The following TTC19 variants were observed in gnomAD, a reference collection of about 807,000 sequenced individuals.
The protein encoded by TTC19 is tetratricopeptide repeat domain 19.
In TTC19, 38 loss-of-function variants were observed where a neutral mutation model predicts 49.5. That is an observed-to-expected ratio of 0.77 (90% confidence interval 0.59 to 1.01). The LOEUF (loss-of-function observed/expected upper bound fraction) is 1.01, where lower values mean the gene tolerates loss of function less well. Among genes scored for constraint, TTC19 ranks in the 50% least tolerant of loss-of-function variants. The probability of loss-of-function intolerance (pLI) is 0.00; values close to 1 mark genes in which losing one functional copy is unlikely to be tolerated. For synonymous variants in TTC19, 204 were observed against 185.2 expected (o/e 1.10, Z -0.83); for missense variants, 475 against 477.7 (o/e 0.99, Z 0.05).
chr17:16,022,301 A>T (rs968299415), intron 7 of TTC19, among the ~76,000 whole-genome samples: 3 of 152,220 alleles, frequency 2.0e-5, no homozygotes, highest in African/African-American at 7.2e-5. Flanking sequence ...GTGCAGGGAA[A>T]GGATGTGTGT....
intron 2 of TTC19, among the ~76,000 whole-genome samples, chr17:16,044,168 C>CAAAAAAAA (rs34691717): frequency 1.8e-4 from 15 of 82,624 alleles, no homozygotes; most frequent in African/African-American, 2.8e-4. Context: ...GACTCCATCT[C>CAAAAAAAA]AAAAAAAAAA....
chr17:16,035,129 A>C (rs1973983410), intron 2 of TTC19, among the ~76,000 whole-genome samples: 1 of 152,212 alleles, frequency 6.6e-6, no homozygotes, highest in African/African-American at 2.4e-5. Flanking sequence ...TTAGTAAGTC[A>C]CAATTATTTT....
At chr17:16,036,048 A>G (rs562658065) in intron 2 of TTC19, among the ~76,000 whole-genome samples, 12 of 152,220 alleles carry the variant, frequency 7.9e-5, no homozygotes, top group Non-Finnish European at 1.6e-4. Flanking sequence ...CTTTGCTCAG[A>G]TCCGTCAGAG....
chr17:16,014,682 G>A (rs60842225), intron 7 of TTC19, among the ~76,000 whole-genome samples: 4,808 of 152,272 alleles, frequency 0.032, 255 homozygotes, highest in African/African-American at 0.11. Flanking sequence ...GATGCTGGCA[G>A]TATCCAAAGG....
intron 9 of TTC19, chr17:16,027,146 T>C (rs1971586146): frequency 1.7e-6 from 1 of 573,254 alleles, no homozygotes; most frequent in Admixed American, 3.0e-5. Context: ...TCATGAAATC[T>C]TGGGCTCATC....
downstream of TTC19, chr17:16,030,968 T>G (rs560614268): frequency 4.4e-4 from 86 of 196,636 alleles, 1 homozygote; most frequent in African/African-American, 1.8e-3. Context: ...ACCAGTGGCA[T>G]TCTCCCAAAA....
chr17:16,037,501 C>T (rs570483864), intron 2 of TTC19, among the ~76,000 whole-genome samples: 3 of 152,198 alleles, frequency 2.0e-5, no homozygotes, highest in Admixed American at 6.5e-5. Context: ...AAACAAGGTT[C>T]GTCCTCCTGC....
rs778856287 is a variant in TTC19, at chr17:16,020,380, CG to C, written c.677-4636del. Among the ~76,000 whole-genome samples, 86 of 152,066 alleles carry C rather than the reference CG, an allele frequency of 5.7e-4. 1 individual carries two copies. Among genetic ancestry groups the C allele is most frequent in the Non-Finnish European group, 5.1e-4 (35 of 68,000 alleles). The stretch of plus-strand genomic sequence containing the variant: ...AGGGGTTGTCTTTTTCTTAACGATT[CG>C]TAAGAGTTCCTTACGTATTCGATCA... On this transcript the variant is annotated intron_variant, in intron 7 of 9. Coordinates refer to ENST00000261647, the MANE Select transcript of TTC19 (RefSeq NM_017775.4).
chr17:16,036,482 T>A (rs1251024881), intron 2 of TTC19, among the ~76,000 whole-genome samples: 2 of 152,324 alleles, frequency 1.3e-5, no homozygotes, highest in East Asian at 3.9e-4. Context: ...GCCTGTCTTT[T>A]GAAGTTTTGG....
In TTC19 at chr17:16,000,037, G is replaced by C. The variant is rs1970667024; in HGVS notation, c.184+5G>C. The C allele has an allele frequency of 2.4e-6, 3 of 1,259,674 alleles. No individual in the cohort carries two copies. The highest frequency in any genetic ancestry group is 3.0e-6 in the Non-Finnish European group (3 of 1,005,288). The allele number at this position is 1,259,674 out of a possible 1,614,324, so 78.0% of individuals were successfully genotyped here. On this transcript the variant is annotated splice_donor_5th_base_variant and intron_variant, in intron 1 of 9. Transcript: ENST00000261647. Reference sequence around the variant, plus strand: ...GCCTGCTGCCGCTGCTGGCAGGTGAGGGGCGCGGGCCGGGCGGGGCCGGCC... The same window carrying C: ...GCCTGCTGCCGCTGCTGGCAGGTGACGGGCGCGGGCCGGGCGGGGCCGGCC...
intron 7 of TTC19, among the ~76,000 whole-genome samples, chr17:16,013,079 C>CTG (rs1391508154): frequency 6.6e-6 from 1 of 152,066 alleles, no homozygotes; most frequent in Non-Finnish European, 1.5e-5. Flanking sequence ...TGGCACATGC[C>CTG]TGTGGTCCCA....
intron 7 of TTC19, among the ~76,000 whole-genome samples, chr17:16,018,055 C>G (rs962533118): frequency 6.6e-6 from 1 of 152,062 alleles, no homozygotes; most frequent in African/African-American, 2.4e-5. Context: ...TCCTTCTTTC[C>G]CTTTTCCTCA....
downstream of TTC19, among the ~76,000 whole-genome samples, chr17:16,034,157 T>C (rs2151830012): frequency 6.6e-6 from 1 of 152,342 alleles, no homozygotes; most frequent in Middle Eastern, 3.4e-3. Flanking sequence ...ACCACCTTAT[T>C]TGCTTTGCAA....
intron 7 of TTC19, chr17:16,024,660 G>T: frequency 3.3e-6 from 1 of 306,168 alleles, no homozygotes; most frequent in South Asian, 2.9e-5. Flanking sequence ...GATTCTGAGT[G>T]TTCTCTGTCT....
Position 16,001,957 on chromosome 17 carries a change from T to C in TTC19, c.355T>C (p.Leu119=), listed in dbSNP as rs1597448898. The C allele has an allele frequency of 6.2e-7, 1 of 1,613,360 alleles. No individual in the cohort carries two copies. Among genetic ancestry groups the C allele is most frequent in the East Asian group, 2.2e-5 (1 of 44,862 alleles). The change falls in exon 3 of 10, where the codon TTG becomes CTG. Residue 119 remains leucine, a synonymous_variant. Coordinates refer to ENST00000261647, the MANE Select transcript of TTC19 (RefSeq NM_017775.4). ...TGAGCCAGAAGAGGCTGAGTTAATT[T>C]TGCATGACGCTCTTCGTCTCGCCTA... ...KDEPEEAELI[L]HDALRLAYQT...
intron 2 of TTC19, among the ~76,000 whole-genome samples, chr17:16,035,392 C>T (rs905677768): frequency 6.6e-6 from 1 of 152,146 alleles, no homozygotes; most frequent in Non-Finnish European, 1.5e-5. Flanking sequence ...TTCACAGCAT[C>T]TTCAGGGGCA....
exon 3 of TTC19, chr17:16,044,827 T>C (rs1158457391): frequency 9.3e-6 from 10 of 1,076,306 alleles, no homozygotes; most frequent in Non-Finnish European, 1.4e-5. Context: ...GTGGACCTGC[T>C]CCAGCAGCTG....
At chr17:16,025,784 T>C (rs1288409030) in intron 8 of TTC19, among the ~76,000 whole-genome samples, 1 of 152,182 alleles carries the variant, frequency 6.6e-6, no homozygotes, top group African/African-American at 2.4e-5. Context: ...ATATAAGACA[T>C]AACAATTTTA....
chr17:16,032,088 T>A (rs545117066), downstream of TTC19: 1 of 529,942 alleles, frequency 1.9e-6, no homozygotes, highest in East Asian at 3.4e-5. Context: ...CTGAATTGCC[T>A]GTATCAAAGG....
Sources: gnomAD v4.1 joint callset for allele counts (sites outside exome capture counted in the v4.1 genomes callset) on GRCh38, gnomAD v4.1.1 for gene constraint, MANE v1.5 for transcripts, NCBI Gene and HGNC (gene_info 2026-07-23, HGNC 2026-07-21) for gene names.